The following COMMD10 variants were observed in gnomAD, a reference collection of about 807,000 sequenced individuals.
COMMD10 encodes the protein COMM domain-containing protein 10.
Under a neutral mutation model 28.9 loss-of-function variants are expected in COMMD10, and 33 were observed. The ratio of observed to expected loss-of-function variants is 1.14; its 90% CI spans 0.87 to 1.53. The LOEUF (loss-of-function observed/expected upper bound fraction) is 1.53, where lower values mean the gene tolerates loss of function less well. Ranked by LOEUF, COMMD10 falls within the 40% of genes most tolerant of loss-of-function variation. The probability of loss-of-function intolerance (pLI) is 0.00; values close to 1 mark genes in which losing one functional copy is unlikely to be tolerated. For missense variants in COMMD10, 310 were observed against 233.4 expected, an observed-to-expected ratio of 1.33 and a Z score of -2.14; for synonymous variants, 110 against 81.7, an observed-to-expected ratio of 1.35 and a Z score of -1.87.
intron 5 of COMMD10, among the ~76,000 whole-genome samples, chr5:116,239,759 A>C (rs1302249645): frequency 1.3e-5 from 2 of 152,122 alleles, no homozygotes; most frequent in African/African-American, 4.8e-5. Context: ...AATGAATTCT[A>C]CCAATAAGAG....
intron 5 of COMMD10, among the ~76,000 whole-genome samples, chr5:116,254,357 C>T (rs370121329): frequency 4.6e-5 from 7 of 151,714 alleles, no homozygotes; most frequent in African/African-American, 9.7e-5. Flanking sequence ...ATGTGTTTGC[C>T]CTTGCTTTTC....
chr5:116,122,574 TA>T (rs1242133809), intron 4 of COMMD10, among the ~76,000 whole-genome samples: 6 of 152,222 alleles, frequency 3.9e-5, no homozygotes, highest in Non-Finnish European at 8.8e-5. Flanking sequence ...CCTTGGGCAG[TA>T]TGGCCATTTT....
In COMMD10 at chr5:116,217,181, C is replaced by G. The variant is rs540996491; in HGVS notation, c.511-74336C>G. 2.1e-4 allele frequency among the ~76,000 whole-genome samples: 32 copies of G among 149,072 alleles called. 1 individual carries two copies. The South Asian group carries it at 5.9e-3, about 28-fold the overall frequency. ...AAAAAGTCCCCGCAATCCCACTGTG[C>G]AAATCAACCACTCTTTTTTTTTTTT... On this transcript the variant is annotated intron_variant, in intron 5 of 6. Coordinates refer to ENST00000274458, the MANE Select transcript of COMMD10 (RefSeq NM_016144.4).
At chr5:116,163,163 C>T (rs1348718281) in intron 5 of COMMD10, among the ~76,000 whole-genome samples, 1 of 133,492 alleles carries the variant, frequency 7.5e-6, no homozygotes, top group African/African-American at 3.2e-5. Context: ...ATACAAATAA[C>T]TTTTAATATC....
intron 5 of COMMD10, among the ~76,000 whole-genome samples, chr5:116,277,823 C>T (rs938503608): frequency 6.6e-6 from 1 of 151,892 alleles, no homozygotes; most frequent in African/African-American, 2.4e-5. Flanking sequence ...TTTTCAGTTA[C>T]CTTTTTCTTA....
At chr5:116,196,637 A>G (rs1748530331) in intron 5 of COMMD10, among the ~76,000 whole-genome samples, 1 of 151,386 alleles carries the variant, frequency 6.6e-6, no homozygotes, top group African/African-American at 2.4e-5. Context: ...TTTTTTTTTA[A>G]AAAAAGAAAA....
intron 5 of COMMD10, among the ~76,000 whole-genome samples, chr5:116,270,044 A>G (rs1004098691): frequency 1.6e-4 from 1 of 6,230 alleles, no homozygotes; most frequent in East Asian, 0.083. Flanking sequence ...AATGGACAGC[A>G]TTTAAAAAAA....
intron 5 of COMMD10, among the ~76,000 whole-genome samples, chr5:116,143,270 G>T (rs1282747589): frequency 1.3e-5 from 2 of 151,394 alleles, no homozygotes; most frequent in Non-Finnish European, 3.0e-5. Flanking sequence ...TCCATAATAA[G>T]ATTTTATAAG....
chr5:116,259,137 A>G (rs1407020705), intron 5 of COMMD10, among the ~76,000 whole-genome samples: 2 of 141,392 alleles, frequency 1.4e-5, no homozygotes, highest in South Asian at 2.2e-4. Context: ...ATCTTGGCTC[A>G]CTGCAACCTC....
intron 5 of COMMD10, among the ~76,000 whole-genome samples, chr5:116,210,748 C>T (rs1748942345): frequency 6.6e-6 from 1 of 152,110 alleles, no homozygotes; most frequent in South Asian, 2.1e-4. Context: ...CCAGGTTTTA[C>T]TTATTTACTA....
rs977671446 is a variant in COMMD10, at chr5:116,267,021, C to G, written c.511-24496C>G. ...AATGGACAAAAACTGGAAGCATTCC[C>G]TTTGAAAAGTGGCACAAGACAAGGA... On this transcript the variant is annotated intron_variant, in intron 5 of 6. Coordinates refer to ENST00000274458, the MANE Select transcript of COMMD10 (RefSeq NM_016144.4). Among the ~76,000 whole-genome samples the G allele has an allele frequency of 1.4e-4, 21 of 151,962 alleles. 1 individual carries two copies. The highest frequency in any genetic ancestry group is 5.1e-4 in the African/African-American group (21 of 41,294).
chr5:116,133,600 A>C (rs1580475293), intron 4 of COMMD10, among the ~76,000 whole-genome samples: 1 of 152,174 alleles, frequency 6.6e-6, no homozygotes, highest in Non-Finnish European at 1.5e-5. Context: ...AAAAGAAAAA[A>C]AGCAAATCTT....
In COMMD10 at chr5:116,288,110, G is replaced by A. The variant is rs186869789; in HGVS notation, c.511-3407G>A. 1.7e-3 allele frequency among the ~76,000 whole-genome samples: 251 copies of A among 151,810 alleles called. 9 individuals are homozygous for A. The highest frequency in any genetic ancestry group is 5.8e-3 in the African/African-American group (240 of 41,282). On this transcript the variant is annotated intron_variant, in intron 5 of 6. Transcript: ENST00000274458. ...AGAACTTCCTTTAGCATTTTGTATA[G>A]ATTAGCTCTAGGTGATGAACTCCCA... is the stretch of plus-strand genomic sequence containing the variant.
intron 5 of COMMD10, among the ~76,000 whole-genome samples, chr5:116,268,674 A>G (rs1364962525): frequency 6.6e-6 from 1 of 151,876 alleles, no homozygotes; most frequent in Non-Finnish European, 1.5e-5. Flanking sequence ...ACTATTCACA[A>G]TAGCAAAGAC....
At chr5:116,248,364 T>A (rs1750015650) in intron 5 of COMMD10, among the ~76,000 whole-genome samples, 1 of 122,722 alleles carries the variant, frequency 8.1e-6, no homozygotes, top group African/African-American at 2.5e-5. Flanking sequence ...TTAGAAAAAG[T>A]ATAATATTAA....
intron 4 of COMMD10, among the ~76,000 whole-genome samples, chr5:116,111,067 T>C (rs982301153): frequency 6.6e-6 from 1 of 152,202 alleles, no homozygotes; most frequent in Non-Finnish European, 1.5e-5. Context: ...TATGAACATG[T>C]AGTTGTTCAT....
At chr5:116,128,904 G>T (rs1201918610) in intron 4 of COMMD10, among the ~76,000 whole-genome samples, 1 of 151,786 alleles carries the variant, frequency 6.6e-6, no homozygotes, top group Non-Finnish European at 1.5e-5. Flanking sequence ...TGTGACTTTT[G>T]CAGAATATCA....
intron 4 of COMMD10, among the ~76,000 whole-genome samples, chr5:116,112,231 T>C (rs1386500974): frequency 6.6e-6 from 1 of 152,218 alleles, no homozygotes; most frequent in Non-Finnish European, 1.5e-5. Flanking sequence ...TATTTTTTAC[T>C]ATTTTTATTT....
intron 5 of COMMD10, among the ~76,000 whole-genome samples, chr5:116,137,164 C>T (rs576444303): frequency 6.6e-6 from 1 of 151,950 alleles, no homozygotes; most frequent in Non-Finnish European, 1.5e-5. Flanking sequence ...ATTTGGTATT[C>T]TATTCTTTGT....
Sources: gnomAD v4.1 joint callset for allele counts (sites outside exome capture counted in the v4.1 genomes callset) on GRCh38, gnomAD v4.1.1 for gene constraint, MANE v1.5 for transcripts, NCBI Gene and HGNC (gene_info 2026-07-23, HGNC 2026-07-21) for gene names.